C3: variants seen among roughly 807,000 people sequenced by gnomAD.
The protein encoded by C3 is complement C3.
Under a neutral mutation model 207.9 loss-of-function variants are expected in C3, and 97 were observed. The ratio of observed to expected loss-of-function variants is 0.47; its 90% CI spans 0.40 to 0.55. The LOEUF (loss-of-function observed/expected upper bound fraction) is 0.55. C3 is among the 20% of genes least tolerant of loss of function. C3 has a pLI of 0.00. For synonymous variants in C3, 848 were observed against 857.6 expected, an observed-to-expected ratio of 0.99 and a Z score of 0.20; for missense variants, 1,684 against 2,171.7, an observed-to-expected ratio of 0.78 and a Z score of 4.46.
intron 29 of C3, among the ~76,000 whole-genome samples, chr19:6,685,716 A>G (rs1472307063): frequency 1.3e-5 from 2 of 152,194 alleles, no homozygotes; most frequent in Non-Finnish European, 2.9e-5. Flanking sequence ...AACATACTAT[A>G]GAGCCCGCCA....
At chr19:6,681,157 G>A (rs1283198601) in intron 35 of C3, among the ~76,000 whole-genome samples, 2 of 151,980 alleles carry the variant, frequency 1.3e-5, no homozygotes, top group East Asian at 3.9e-4. Context: ...TTAGGAGGCT[G>A]AGGTGGGAGA....
At chr19:6,717,453 GTGGTTGTGTGTT>G (rs1968054863) in intron 4 of C3, 2 of 192,750 alleles carry the variant, frequency 1.0e-5, no homozygotes, top group Admixed American at 1.1e-4. Context: ...GGTGTATTGT[GTGGTTGTGTGTT>G]GGGTTGTGTG....
chr19:6,696,026 G>A (rs891009509), intron 23 of C3, among the ~76,000 whole-genome samples: 3 of 151,084 alleles, frequency 2.0e-5, no homozygotes, highest in African/African-American at 7.3e-5. Context: ...TGGCTAACAC[G>A]GTGAAACCCT....
At chr19:6,686,563 A>G in intron 28 of C3, 183 bp downstream of exon 28, 1 of 776,158 alleles carries the variant, frequency 1.3e-6, no homozygotes, top group East Asian at 2.4e-5. Flanking sequence ...GAAAACTTAG[A>G]GCCGTGCATC....
intron 27 of C3, among the ~76,000 whole-genome samples, chr19:6,688,091 A>G (rs1008538571): frequency 1.5e-4 from 22 of 146,608 alleles, no homozygotes; most frequent in Non-Finnish European, 2.7e-4. Context: ...TGATCCGCCC[A>G]CCTCGGCCTC....
At chr19:6,707,408 G>A (rs1297345576) in intron 16 of C3, 58 bp downstream of exon 16, 8 of 1,605,936 alleles carry the variant, frequency 5.0e-6, no homozygotes, top group Admixed American at 1.7e-5. Context: ...CTGCACGGCC[G>A]GGCTGGGGTC....
chr19:6,682,226 G>A lies in C3; in HGVS notation c.4176C>T (p.Tyr1392=), dbSNP rs1291989224. 2 of 1,611,830 alleles carry A rather than the reference G, an allele frequency of 1.2e-6. No homozygotes were observed. The highest frequency in any genetic ancestry group is 1.7e-5 in the Admixed American group (1 of 60,028). ...NTMILEICTR[Y]RGDQDATMSI... ...ACATAGTGGCATCCTGGTCTCCCCG[G>A]TACCTGGATAGTGCAGAAAGAAGGG... The change falls in exon 34 of 41, where the codon TAC becomes TAT. Residue 1392 remains tyrosine, a synonymous_variant. Coordinates refer to ENST00000245907, the MANE Select transcript of C3 (RefSeq NM_000064.4).
intron 17 of C3, among the ~76,000 whole-genome samples, chr19:6,704,523 C>T (rs540582941): frequency 3.8e-4 from 58 of 152,162 alleles, no homozygotes; most frequent in Middle Eastern, 6.8e-3. Flanking sequence ...CTTTGGGAGG[C>T]GGAGGCGGGC....
chr19:6,691,025 T>C (rs916503553), intron 26 of C3, among the ~76,000 whole-genome samples: 9 of 151,220 alleles, frequency 6.0e-5, no homozygotes, highest in Admixed American at 6.6e-5. Context: ...AAGATGGACA[T>C]GGTCCATCCA....
In C3 at chr19:6,709,755, G is replaced by A. The variant is rs771353792; in HGVS notation, c.1774C>T (p.Arg592Trp). 4 of 1,613,952 alleles carry A rather than the reference G, an allele frequency of 2.5e-6. No homozygotes were observed. Among genetic ancestry groups the A allele is most frequent in the South Asian group, 1.1e-5 (1 of 91,076 alleles). The change falls in exon 14 of 41, where the codon CGG becomes TGG. Residue 592 changes from arginine (R) to tryptophan (W), a missense_variant. Physicochemically the swap from Arg to Trp is moderately radical, Grantham distance 101 (BLOSUM62 -3). This residue lies in a region of C3 where 1,280 missense variants were observed against 1,739.1 expected (regional missense o/e 0.74). Transcript: ENST00000245907. ...TTGTCCACGGCCACCAGTACCACCC[G>A]GGCCCCGTGGTCACCCTCTATCTTC... ...TLKIEGDHGA[R>W]VVLVAVDKGV... is the part of the protein sequence containing the mutation.
intron 14 of C3, 69 bp downstream of exon 14, chr19:6,709,613 CCA>C: frequency 2.2e-5 from 19 of 850,078 alleles, no homozygotes; most frequent in Middle Eastern, 2.3e-4. Flanking sequence ...CTCTCCAGTC[CCA>C]CCCACCTCCC....
Position 6,693,075 on chromosome 19 carries a change from G to A in C3, c.3239C>T (p.Ala1080Val), listed in dbSNP as rs1918206123. The A allele has an allele frequency of 6.2e-7, 1 of 1,614,068 alleles. No homozygotes were observed. Among genetic ancestry groups the A allele is most frequent in the Non-Finnish European group, 8.5e-7 (1 of 1,180,014 alleles). The change falls in exon 26 of 41, where the codon GCC becomes GTC. Residue 1080 changes from alanine to valine, a missense_variant. Physicochemically the swap from Ala to Val is moderately conservative, Grantham distance 64. Coordinates refer to ENST00000245907, the MANE Select transcript of C3 (RefSeq NM_000064.4). Reference protein sequence around the residue: ...VKRAPSTWLTAYVVKVFSLAV... With the variant: ...VKRAPSTWLTVYVVKVFSLAV... ...CAGAGAGAAGACCTTGACCACGTAG[G>A]CGGTCAGCCTGGAGTGGGCACAGAG...
chr19:6,712,113 T>C, intron 11 of C3, 144 bp downstream of exon 11: 1 of 1,031,346 alleles, frequency 9.7e-7, no homozygotes, highest in Non-Finnish European at 1.4e-6. Flanking sequence ...TCTATGCAAA[T>C]GGCAGGACCC....
chr19:6,717,900 G>A, intron 4 of C3, 194 bp downstream of exon 4: 1 of 670,826 alleles, frequency 1.5e-6, no homozygotes, highest in South Asian at 1.6e-5. Context: ...CTCTGTGTGT[G>A]TATTGTGTGC....
chr19:6,700,853 A>T (rs1171254975), intron 19 of C3, among the ~76,000 whole-genome samples: 5 of 146,896 alleles, frequency 3.4e-5, no homozygotes, highest in African/African-American at 1.2e-4. Flanking sequence ...AATAAATATT[A>T]TAATTAAATT....
chr19:6,691,996 ACACAC>A (rs1918179791), intron 26 of C3, among the ~76,000 whole-genome samples: 1 of 84,462 alleles, frequency 1.2e-5, no homozygotes, highest in African/African-American at 5.3e-5. Flanking sequence ...TCAAACACAC[ACACAC>A]ACACACACAC....
intron 29 of C3, among the ~76,000 whole-genome samples, chr19:6,685,827 T>C (rs772385036): frequency 3.3e-4 from 51 of 152,252 alleles, no homozygotes; most frequent in South Asian, 2.1e-4. Context: ...GGGAACCTGG[T>C]CTAGAGCCCA....
rs571051292 is a variant in C3, at chr19:6,717,948, T to C, written c.504+146A>G. 4.6e-4 allele frequency: 361 copies of C among 789,110 alleles called. 1 individual carries two copies. Among genetic ancestry groups the C allele is most frequent in the African/African-American group, 9.4e-4 (56 of 59,436 alleles). 48.9% of individuals were successfully genotyped at this position (789,110 alleles called of 1,614,324 possible). ...TGTTGTGTGCTGTATGTGTGTGTGT[T>C]GTGTGGGTGTGTGTCTGCATATCTC... On this transcript the variant is annotated intron_variant, in intron 4 of 40. Coordinates refer to ENST00000245907, the MANE Select transcript of C3 (RefSeq NM_000064.4).
intron 7 of C3, 31 bp downstream of exon 7, chr19:6,713,961 C>T: frequency 2.0e-6 from 3 of 1,509,572 alleles, no homozygotes; most frequent in Non-Finnish European, 2.7e-6. Context: ...CCTCACCTGG[C>T]TCTTACCTGG....
Sources: gnomAD v4.1 joint callset for allele counts (sites outside exome capture counted in the v4.1 genomes callset) on GRCh38, gnomAD v4.1.1 for gene constraint, gnomAD v4.1.1 regional missense constraint, MANE v1.5 for transcripts, NCBI Gene and HGNC (gene_info 2026-07-23, HGNC 2026-07-21) for gene names.